Variants in MIB1 observed in about 807,000 individuals in gnomAD.
MIB1 encodes E3 ubiquitin-protein ligase MIB1.
In MIB1, 278 loss-of-function variants were observed where a neutral mutation model predicts 124.5. The ratio of observed to expected loss-of-function variants is 2.23; its 90% CI spans 2.02 to 2.47. MIB1 has a LOEUF of 2.47. MIB1 is among the 30% of genes most tolerant of loss of function. The pLI is 0.00. For synonymous variants in MIB1, 446 were observed against 429.4 expected (o/e 1.04, Z -0.48); for missense variants, 957 against 1,254.4 (o/e 0.76, Z 3.58).
Position 21,740,870 on chromosome 18 carries a change from C to T in MIB1, c.-714C>T, listed in dbSNP as rs2040840003. Reference sequence around the variant, plus strand: ...GATCGCGCGGCTCTCTGGAAGCCTTCCCACTCTATTATTGCCGAGGATCCC... The same window carrying T: ...GATCGCGCGGCTCTCTGGAAGCCTTTCCACTCTATTATTGCCGAGGATCCC... On this transcript the variant is annotated 5_prime_UTR_variant, in exon 1 of 21. Transcript: ENST00000261537. 1.3e-5 allele frequency among the ~76,000 whole-genome samples: 2 copies of T among 152,246 alleles called. 1 individual carries two copies. Among genetic ancestry groups the T allele is most frequent in the South Asian group, 4.1e-4 (2 of 4,838 alleles).
Position 21,849,105 on chromosome 18 carries a change from A to G in MIB1, c.2394-91A>G, listed in dbSNP as rs931065190. ...TTTTTAATATGACTAGTTTTTATGT[A>G]TACTAATGATGCTCCAGGTATATTT... On this transcript the variant is annotated intron_variant, in intron 16 of 20. Coordinates refer to ENST00000261537, the MANE Select transcript of MIB1 (RefSeq NM_020774.4). 1.2e-5 allele frequency: 10 copies of G among 814,964 alleles called. No individual in the cohort carries two copies. The African/African-American group carries it at 1.6e-4, about 13-fold the overall frequency. 50.5% of individuals were successfully genotyped at this position (814,964 alleles called of 1,614,324 possible). A position where few individuals can be genotyped will look rare whatever the true frequency, so the allele number is the denominator to read the frequency against.
Position 21,857,255 on chromosome 18 carries a change from G to A in MIB1, c.2779+12G>A, listed in dbSNP as rs755004089. The stretch of plus-strand genomic sequence containing the variant: ...CACTGATGATATCTGTAAGTCGATT[G>A]TCTTAAGCATTTTCATATTTTGCTT... On this transcript the variant is annotated intron_variant, in intron 19 of 20. Transcript: ENST00000261537. The A allele has an allele frequency of 1.3e-6, 2 of 1,589,178 alleles. No homozygotes were observed. Among genetic ancestry groups the A allele is most frequent in the Non-Finnish European group, 1.7e-6 (2 of 1,157,432 alleles).
At chr18:21,850,162 A>G (rs2042168996) in intron 17 of MIB1, among the ~76,000 whole-genome samples, 1 of 152,118 alleles carries the variant, frequency 6.6e-6, no homozygotes. Flanking sequence ...GTGCTTTATT[A>G]TAACTGTACC....
intron 1 of MIB1, among the ~76,000 whole-genome samples, chr18:21,764,371 T>C (rs1029209231): frequency 6.6e-6 from 1 of 152,140 alleles, no homozygotes; most frequent in African/African-American, 2.4e-5. Flanking sequence ...TATCTGAATA[T>C]AGAAAATGAA....
At chr18:21,721,644 TTGTGTATGTATGACATTATTCA>T (rs1448109298) in intron 1 of MIB1, among the ~76,000 whole-genome samples, 5 of 152,254 alleles carry the variant, frequency 3.3e-5, no homozygotes, top group African/African-American at 1.2e-4. Flanking sequence ...TGAAAAGCAA[TTGTGTATGTATGACATTATTCA>T]TTTTCAAGAG....
chr18:21,741,559 G>A lies in MIB1; in HGVS notation c.-25G>A, dbSNP rs1022416759. 7 of 1,337,366 alleles carry A rather than the reference G, an allele frequency of 5.2e-6. No homozygotes were observed. The highest frequency in any genetic ancestry group is 6.7e-6 in the Non-Finnish European group (7 of 1,044,188). 82.8% of individuals were successfully genotyped at this position (1,337,366 alleles called of 1,614,324 possible). A position where few individuals can be genotyped will look rare whatever the true frequency, so the allele number is the denominator to read the frequency against. The stretch of plus-strand genomic sequence containing the variant: ...CAGCGGCGGCGGCGGCGGCGGCAGC[G>A]GCGGAGCCCACCGCCCGGGCCCCGA... On this transcript the variant is annotated 5_prime_UTR_variant, in exon 1 of 21. Coordinates refer to ENST00000261537, the MANE Select transcript of MIB1 (RefSeq NM_020774.4). The surrounding 1 kb of genome is among the most constrained non-coding windows in gnomAD (Gnocchi z 5.4).
intron 10 of MIB1, among the ~76,000 whole-genome samples, chr18:21,808,273 C>A (rs2041731239): frequency 6.6e-6 from 1 of 152,090 alleles, no homozygotes; most frequent in African/African-American, 2.4e-5. Context: ...GAGTATAGAT[C>A]AGGGTCTGCA....
At chr18:21,772,582 A>G (rs2041234799) in intron 3 of MIB1, among the ~76,000 whole-genome samples, 1 of 152,244 alleles carries the variant, frequency 6.6e-6, no homozygotes, top group Non-Finnish European at 1.5e-5. Context: ...ATCTGAAAAA[A>G]TTTGAAATCT....
In MIB1 at chr18:21,798,108, C is replaced by T. The variant is rs1168568219; in HGVS notation, c.1117C>T (p.Gln373Ter). Residue 373 changes from glutamine to a stop codon, truncating the protein, a stop_gained, in exon 8 of 21, where the codon CAA (glutamine) becomes TAA (stop). Coordinates refer to ENST00000261537, the MANE Select transcript of MIB1 (RefSeq NM_020774.4). LOFTEE classifies it high-confidence loss of function. The stretch of plus-strand genomic sequence containing the variant: ...GACTTTAGGTAAAGTTGGCCGAGTA[C>T]AACAGATTTATTCAGACAGTGATTT... Reference protein sequence around the residue: ...LPTLGKVGRVQQIYSDSDLKV... With the variant: ...LPTLGKVGRV 6.2e-7 allele frequency: 1 copy of T among 1,612,758 alleles called. No individual in the cohort carries two copies. The highest frequency in any genetic ancestry group is 1.7e-5 in the Admixed American group (1 of 59,916).
At chr18:21,804,068 C>T in intron 10 of MIB1, 54 bp downstream of exon 10, 1 of 1,215,514 alleles carries the variant, frequency 8.2e-7, no homozygotes, top group Non-Finnish European at 1.2e-6. Context: ...AGAAATAATA[C>T]TTCTATATCA....
Position 21,730,314 on chromosome 18 carries a change from C to A in MIB1, n.167+25191C>A, listed in dbSNP as rs144367738. On this transcript the variant is annotated intron_variant and non_coding_transcript_variant, in intron 1 of 20. Transcript: ENST00000578646. ...GGGCGCAGTGGCTCATGCCTGTAAT[C>A]CCAGCACTTCGGGAGGCCGAGGCGG... 3.9e-5 allele frequency among the ~76,000 whole-genome samples: 6 copies of A among 152,338 alleles called. No individual in the cohort carries two copies. In the East Asian group the frequency reaches 1.2e-3, roughly 29 times the overall value.
In MIB1 at chr18:21,741,496, C is replaced by G; in HGVS notation, c.-88C>G. ...TGCCGCCCCCGCCGACGCCTAGAGT[C>G]CGGCCCGGGCCCAACTCCCTCACGG... On this transcript the variant is annotated 5_prime_UTR_variant, in exon 1 of 21. Coordinates refer to ENST00000261537, the MANE Select transcript of MIB1 (RefSeq NM_020774.4). The surrounding 1 kb of genome is among the most constrained non-coding windows in gnomAD (Gnocchi z 5.4). 1.1e-6 allele frequency: 1 copy of G among 927,064 alleles called. No homozygotes were observed. 57.4% of individuals were successfully genotyped at this position (927,064 alleles called of 1,614,324 possible). A position where few individuals can be genotyped will look rare whatever the true frequency, so the allele number is the denominator to read the frequency against.
intron 9 of MIB1, 97 bp downstream of exon 9, chr18:21,800,071 C>T (rs1009719069): frequency 2.1e-5 from 19 of 899,280 alleles, no homozygotes; most frequent in Non-Finnish European, 2.7e-5. Flanking sequence ...AGATGTGCTT[C>T]ATTTATTTCT....
chr18:21,732,165 TA>T (rs1381682160), intron 1 of MIB1, among the ~76,000 whole-genome samples: 1 of 151,734 alleles, frequency 6.6e-6, no homozygotes, highest in African/African-American at 2.4e-5. Context: ...GTCTCTCTAC[TA>T]AAAATACAAA....
chr18:21,757,605 C>T (rs899208417), intron 1 of MIB1, among the ~76,000 whole-genome samples: 2 of 150,676 alleles, frequency 1.3e-5, no homozygotes, highest in Non-Finnish European at 3.0e-5. Context: ...CTGCCTCAGC[C>T]TCCAAAGTTG....
chr18:21,813,711 A>G (rs1030012815), intron 10 of MIB1, among the ~76,000 whole-genome samples: 5 of 152,226 alleles, frequency 3.3e-5, no homozygotes, highest in African/African-American at 1.2e-4. Flanking sequence ...AAGTGCATTT[A>G]ATCATAACAG....
At chr18:21,770,846 G>C (rs1379661382) in intron 3 of MIB1, among the ~76,000 whole-genome samples, 1 of 152,068 alleles carries the variant, frequency 6.6e-6, no homozygotes, top group African/African-American at 2.4e-5. Flanking sequence ...TTTATTTGTT[G>C]AAGAAACCAG....
At chr18:21,851,398 T>C (rs1358182834) in intron 17 of MIB1, among the ~76,000 whole-genome samples, 1 of 152,138 alleles carries the variant, frequency 6.6e-6, no homozygotes, top group Non-Finnish European at 1.5e-5. Flanking sequence ...TTTTAAATTA[T>C]GAAAGTTTTA....
chr18:21,860,968 G>C (rs1175868504), intron 20 of MIB1, among the ~76,000 whole-genome samples: 1 of 152,182 alleles, frequency 6.6e-6, no homozygotes, highest in Non-Finnish European at 1.5e-5. Flanking sequence ...GGGCCCAAGA[G>C]TTTGAGGCTG....
Sources: allele counts gnomAD v4.1 joint callset (sites outside exome capture counted in the v4.1 genomes callset), GRCh38; gene constraint gnomAD v4.1.1; non-coding constraint Gnocchi (gnomAD v3.1); transcripts MANE v1.5; gene names NCBI Gene and HGNC (gene_info 2026-07-23, HGNC 2026-07-21).